The following GALNT17 variants were observed in gnomAD, a reference collection of about 807,000 sequenced individuals.
The protein encoded by GALNT17 is polypeptide N-acetylgalactosaminyltransferase 17.
In GALNT17, 29 loss-of-function variants were observed where a neutral mutation model predicts 63.7. That is an observed-to-expected ratio of 0.46 (90% confidence interval 0.34 to 0.62). The LOEUF is 0.62. Ranked by LOEUF, GALNT17 falls within the 20% of genes least tolerant of loss-of-function variation. The probability of loss-of-function intolerance (pLI) is 0.01; values close to 1 mark genes in which losing one functional copy is unlikely to be tolerated. For synonymous variants in GALNT17, 305 were observed against 318.3 expected (o/e 0.96, Z 0.45); for missense variants, 603 against 799.6 (o/e 0.75, Z 2.97).
chr7:71,421,346 T>C (rs1451760134), intron 5 of GALNT17, among the ~76,000 whole-genome samples: 3 of 152,190 alleles, frequency 2.0e-5, no homozygotes, highest in Non-Finnish European at 4.4e-5. Context: ...AGTTTCAAAC[T>C]GATAGTAATG....
At chr7:71,507,076 C>G (rs1263603901) in intron 5 of GALNT17, among the ~76,000 whole-genome samples, 1 of 152,056 alleles carries the variant, frequency 6.6e-6, no homozygotes, top group African/African-American at 2.4e-5. Flanking sequence ...ATTTACAAAA[C>G]AACTAAAAAT....
intron 1 of GALNT17, among the ~76,000 whole-genome samples, chr7:71,185,163 C>T (rs567460544): frequency 6.8e-6 from 1 of 146,430 alleles, no homozygotes; most frequent in South Asian, 2.3e-4. Context: ...CCCTTCCTTC[C>T]TCTCTGTCCC....
intron 1 of GALNT17, among the ~76,000 whole-genome samples, chr7:71,199,677 CCAT>C (rs1789129172): frequency 4.0e-4 from 4 of 10,096 alleles, no homozygotes; most frequent in Non-Finnish European, 1.0e-3. Context: ...TTCCACCCAT[CCAT>C]CCATCCATCC....
At chr7:71,357,187 A>G (rs1792302300) in intron 2 of GALNT17, among the ~76,000 whole-genome samples, 1 of 152,076 alleles carries the variant, frequency 6.6e-6, no homozygotes, top group Admixed American at 6.5e-5. Flanking sequence ...CAGGCCATGG[A>G]CTGGTACGAG....
intron 5 of GALNT17, among the ~76,000 whole-genome samples, chr7:71,545,989 G>A (rs1788976942): frequency 6.6e-6 from 1 of 152,080 alleles, no homozygotes; most frequent in Non-Finnish European, 1.5e-5. Flanking sequence ...GCCAGGCACA[G>A]AGGCTGATGC....
At chr7:71,282,320 T>TG (rs745715298) in intron 1 of GALNT17, among the ~76,000 whole-genome samples, 12 of 152,176 alleles carry the variant, frequency 7.9e-5, no homozygotes, top group South Asian at 2.1e-4. Context: ...TGCAACCAGA[T>TG]GGGAACCTTT....
intron 1 of GALNT17, among the ~76,000 whole-genome samples, chr7:71,250,902 A>G (rs888248899): frequency 2.0e-5 from 3 of 152,216 alleles, no homozygotes; most frequent in Admixed American, 6.5e-5. Flanking sequence ...ATTTTCCAAA[A>G]GTATTTGCTG....
At chr7:71,487,576 A>G (rs1024956164) in intron 5 of GALNT17, among the ~76,000 whole-genome samples, 1 of 152,170 alleles carries the variant, frequency 6.6e-6, no homozygotes, top group Non-Finnish European at 1.5e-5. Context: ...GTTTGAGACC[A>G]GTGTGGGCAA....
intron 5 of GALNT17, among the ~76,000 whole-genome samples, chr7:71,458,655 G>A (rs1787396864): frequency 6.6e-6 from 1 of 152,158 alleles, no homozygotes; most frequent in African/African-American, 2.4e-5. Flanking sequence ...ACTGAGTGTT[G>A]GAGGTGGTTC....
intron 6 of GALNT17, among the ~76,000 whole-genome samples, chr7:71,576,565 G>GTGTGTGTGTGTA (rs753073050): frequency 6.7e-6 from 1 of 150,052 alleles, no homozygotes; most frequent in South Asian, 2.1e-4. Context: ...GTGTGTGTGT[G>GTGTGTGTGTGTA]TTTTGTTTGT....
intron 9 of GALNT17, among the ~76,000 whole-genome samples, chr7:71,701,794 T>C (rs1242826154): frequency 3.9e-4 from 7 of 17,886 alleles, no homozygotes; most frequent in Non-Finnish European, 6.5e-4. Context: ...TATATATATG[T>C]GTGTGTGTGT....
At chr7:71,395,101 C>CA (rs577754368) in intron 3 of GALNT17, among the ~76,000 whole-genome samples, 89 of 151,608 alleles carry the variant, frequency 5.9e-4, no homozygotes, top group African/African-American at 2.1e-3. Flanking sequence ...GAGTCTGTCT[C>CA]AAAAAAACAA....
intron 1 of GALNT17, among the ~76,000 whole-genome samples, chr7:71,264,675 A>G (rs1790454569): frequency 6.6e-6 from 1 of 152,168 alleles, no homozygotes; most frequent in Non-Finnish European, 1.5e-5. Flanking sequence ...TGTCATTTGC[A>G]GGGACATGGA....
chr7:71,638,886 A>C (rs1051593068), intron 6 of GALNT17, among the ~76,000 whole-genome samples: 1 of 152,312 alleles, frequency 6.6e-6, no homozygotes, highest in East Asian at 1.9e-4. Flanking sequence ...GAATTAAAAC[A>C]ATTGAACACA....
chr7:71,186,649 G>A (rs958342672), intron 1 of GALNT17, among the ~76,000 whole-genome samples: 3 of 152,182 alleles, frequency 2.0e-5, no homozygotes, highest in African/African-American at 7.2e-5. Flanking sequence ...CTCTGGAGGT[G>A]ACAGAAAGGA....
At chr7:71,304,056 A>G (rs1214845516) in intron 1 of GALNT17, among the ~76,000 whole-genome samples, 1 of 152,164 alleles carries the variant, frequency 6.6e-6, no homozygotes, top group Non-Finnish European at 1.5e-5. Flanking sequence ...ATGTAGACAG[A>G]GCTTTTCACT....
chr7:71,184,747 A>G (rs1220373409), intron 1 of GALNT17, among the ~76,000 whole-genome samples: 2 of 152,204 alleles, frequency 1.3e-5, no homozygotes, highest in Non-Finnish European at 2.9e-5. Flanking sequence ...CTGTGTAACC[A>G]TACCTGCAAG....
At chr7:71,581,456 G>A (rs117955441) in intron 6 of GALNT17, among the ~76,000 whole-genome samples, 2,641 of 152,144 alleles carry the variant, frequency 0.017, 26 homozygotes, top group Middle Eastern at 0.068. Context: ...CACTGCGCCC[G>A]GCCACGTTTA....
At chr7:71,443,728 CTT>C (rs58018182) in intron 5 of GALNT17, among the ~76,000 whole-genome samples, 17 of 144,998 alleles carry the variant, frequency 1.2e-4, no homozygotes, top group East Asian at 2.0e-4. Context: ...TGAGGTGTTC[CTT>C]TTTTTTTTTT....
Sources: gnomAD v4.1 joint callset for allele counts (sites outside exome capture counted in the v4.1 genomes callset) on GRCh38, gnomAD v4.1.1 for gene constraint, MANE v1.5 for transcripts, NCBI Gene and HGNC (gene_info 2026-07-23, HGNC 2026-07-21) for gene names.